CLSTN1: variants seen among roughly 807,000 people sequenced by gnomAD.
The protein encoded by CLSTN1 is calsyntenin-1.
Under a neutral mutation model 108.3 loss-of-function variants are expected in CLSTN1, and 28 were observed. The ratio of observed to expected loss-of-function variants is 0.26; its 90% CI spans 0.19 to 0.35. The LOEUF (loss-of-function observed/expected upper bound fraction) is 0.35, where lower values mean the gene tolerates loss of function less well. Among genes scored for constraint, CLSTN1 ranks in the 10% least tolerant of loss-of-function variants. The pLI, the probability that CLSTN1 is intolerant of heterozygous loss-of-function variation, is 1.00. For missense variants in CLSTN1, 1,157 were observed against 1,302.6 expected (o/e 0.89, Z 1.72); for synonymous variants, 524 against 534.9 (o/e 0.98, Z 0.28).
chr1:9,779,764 C>T (rs1202517725), intron 1 of CLSTN1, among the ~76,000 whole-genome samples: 1 of 151,790 alleles, frequency 6.6e-6, no homozygotes. Context: ...ATGATGTAGG[C>T]TGGAAGAAGC....
At chr1:9,804,111 C>A (rs535813567) in intron 1 of CLSTN1, among the ~76,000 whole-genome samples, 1 of 151,852 alleles carries the variant, frequency 6.6e-6, no homozygotes, top group African/African-American at 2.4e-5. Flanking sequence ...GCCTGTAATC[C>A]CAGCACTTTG....
intron 4 of CLSTN1, among the ~76,000 whole-genome samples, chr1:9,752,321 A>G (rs1197265041): frequency 6.6e-6 from 1 of 152,206 alleles, no homozygotes; most frequent in Non-Finnish European, 1.5e-5. Flanking sequence ...CAAATAAAAA[A>G]AACTGTAGGT....
chr1:9,796,520 A>C (rs934341309), intron 1 of CLSTN1, among the ~76,000 whole-genome samples: 3 of 134,442 alleles, frequency 2.2e-5, no homozygotes, highest in Admixed American at 1.6e-4. Context: ...CTAAACATAC[A>C]AAAAAAAAAA....
chr1:9,737,966 C>G (rs1398718725), intron 10 of CLSTN1, among the ~76,000 whole-genome samples: 1 of 152,192 alleles, frequency 6.6e-6, no homozygotes, highest in African/African-American at 2.4e-5. Context: ...CACCTCTTCT[C>G]CTAATAGGGA....
intron 1 of CLSTN1, among the ~76,000 whole-genome samples, chr1:9,814,441 T>C (rs563242974): frequency 1.3e-5 from 2 of 152,308 alleles, no homozygotes; most frequent in African/African-American, 4.8e-5. Flanking sequence ...AAGATATTCA[T>C]TTTTACTGAG....
At chr1:9,772,740 A>G (rs1376871630) in intron 2 of CLSTN1, among the ~76,000 whole-genome samples, 1 of 152,224 alleles carries the variant, frequency 6.6e-6, no homozygotes, top group East Asian at 1.9e-4. Flanking sequence ...TGTCTTTAAA[A>G]TTCACTGAAG....
intron 1 of CLSTN1, among the ~76,000 whole-genome samples, chr1:9,807,074 C>T (rs1654540527): frequency 1.3e-5 from 2 of 152,014 alleles, no homozygotes; most frequent in South Asian, 2.1e-4. Flanking sequence ...GCCACAGGTG[C>T]GGCAGAAAGA....
chr1:9,790,587 T>C (rs1371950812), intron 1 of CLSTN1, among the ~76,000 whole-genome samples: 3 of 151,490 alleles, frequency 2.0e-5, no homozygotes, highest in Non-Finnish European at 4.4e-5. Flanking sequence ...TGTCAGTATA[T>C]TTCAATTCAC....
intron 16 of CLSTN1, among the ~76,000 whole-genome samples, chr1:9,733,060 GT>G (rs1294089793): frequency 2.0e-5 from 3 of 152,132 alleles, no homozygotes; most frequent in Non-Finnish European, 4.4e-5. Context: ...ACATCCTCCT[GT>G]TTCTCTCATG....
At chr1:9,756,812 G>GCT (rs1180745956) in intron 2 of CLSTN1, among the ~76,000 whole-genome samples, 4 of 151,952 alleles carry the variant, frequency 2.6e-5, no homozygotes, top group Admixed American at 1.3e-4. Flanking sequence ...ACAGAGTCTC[G>GCT]CTCTGTCACC....
intron 1 of CLSTN1, among the ~76,000 whole-genome samples, chr1:9,792,210 C>CA (rs1314927872): frequency 6.6e-6 from 1 of 150,724 alleles, no homozygotes; most frequent in African/African-American, 2.4e-5. Context: ...ACAACAACAA[C>CA]AACAAAAAAA....
chr1:9,811,388 C>T (rs1409149051), intron 1 of CLSTN1, among the ~76,000 whole-genome samples: 1 of 152,176 alleles, frequency 6.6e-6, no homozygotes, highest in Non-Finnish European at 1.5e-5. Context: ...TACACTTGGG[C>T]ATGGACTTTT....
chr1:9,800,716 T>A (rs1284790324), intron 1 of CLSTN1, among the ~76,000 whole-genome samples: 1 of 141,740 alleles, frequency 7.1e-6, no homozygotes, highest in Admixed American at 7.1e-5. Flanking sequence ...GGCGACAGAG[T>A]GAGATTCCAT....
intron 1 of CLSTN1, among the ~76,000 whole-genome samples, chr1:9,797,168 C>T (rs907079717): frequency 6.6e-6 from 1 of 152,172 alleles, no homozygotes; most frequent in Non-Finnish European, 1.5e-5. Flanking sequence ...TTGGCCCCAT[C>T]TGAAAGGCAT....
At chr1:9,764,110 G>T (rs891764786) in intron 2 of CLSTN1, among the ~76,000 whole-genome samples, 1 of 150,830 alleles carries the variant, frequency 6.6e-6, no homozygotes. Context: ...GAAAGAAAGA[G>T]AGAGAGAGAG....
chr1:9,732,842 G>GT (rs1650479634), intron 16 of CLSTN1, among the ~76,000 whole-genome samples: 1 of 152,224 alleles, frequency 6.6e-6, no homozygotes, highest in African/African-American at 2.4e-5. Context: ...AGGAGGGCCA[G>GT]TGACCTGGCA....
At chr1:9,783,223 C>A (rs1178569699) in intron 1 of CLSTN1, among the ~76,000 whole-genome samples, 2 of 152,142 alleles carry the variant, frequency 1.3e-5, no homozygotes, top group Non-Finnish European at 2.9e-5. Context: ...TTAGACTTTA[C>A]AAAGATGGGT....
intron 12 of CLSTN1, 31 bp from the exon 13 acceptor site, chr1:9,735,646 G>T (rs763920830): frequency 6.2e-7 from 1 of 1,612,824 alleles, no homozygotes; most frequent in Non-Finnish European, 8.5e-7. Flanking sequence ...GAGAGGAGAA[G>T]AATAAGCCAG....
In CLSTN1 at chr1:9,755,314, G is replaced by A. The variant is rs78589157; in HGVS notation, c.245-5C>T. ...TTTTAAATCCACAAATCTCACCTAG[G>A]GAGTCAAAGCAGAACAGGTAAGAAT... On this transcript the variant is annotated splice_polypyrimidine_tract_variant and splice_region_variant and intron_variant, in intron 3 of 18. Coordinates refer to ENST00000377298, the MANE Select transcript of CLSTN1 (RefSeq NM_001009566.3). The A allele has an allele frequency of 0.015, 24,241 of 1,607,252 alleles. 1,561 individuals are homozygous for A. The highest frequency in any genetic ancestry group is 0.13 in the Admixed American group (7,757 of 59,826).
Sources: gnomAD v4.1 joint callset for allele counts (sites outside exome capture counted in the v4.1 genomes callset) on GRCh38, gnomAD v4.1.1 for gene constraint, MANE v1.5 for transcripts, NCBI Gene and HGNC (gene_info 2026-07-23, HGNC 2026-07-21) for gene names.